The following CDH13 variants were observed in gnomAD, a reference collection of about 807,000 sequenced individuals.
CDH13 encodes cadherin-13.
Under a neutral mutation model 63.8 loss-of-function variants are expected in CDH13, and 24 were observed. The ratio of observed to expected loss-of-function variants is 0.38; its 90% CI spans 0.27 to 0.53. The LOEUF is 0.53. CDH13 is among the 20% of genes least tolerant of loss of function. CDH13 has a pLI of 0.85. For missense variants in CDH13, 1,049 were observed against 903.1 expected, an observed-to-expected ratio of 1.16 and a Z score of -2.07; for synonymous variants, 503 against 355.3, an observed-to-expected ratio of 1.42 and a Z score of -4.67.
At chr16:83,521,356 A>G (rs973204590) in intron 7 of CDH13, among the ~76,000 whole-genome samples, 7 of 152,152 alleles carry the variant, frequency 4.6e-5, no homozygotes, top group African/African-American at 1.7e-4. Flanking sequence ...AAAAAAAAAA[A>G]GAATGGAAAA....
intron 4 of CDH13, among the ~76,000 whole-genome samples, chr16:83,133,387 A>G (rs2036143211): frequency 6.6e-6 from 1 of 152,062 alleles, no homozygotes; most frequent in Non-Finnish European, 1.5e-5. Context: ...ATTTCTTTTC[A>G]CTTTTTTTTT....
At chr16:83,543,474 C>T (rs1174002865) in intron 7 of CDH13, among the ~76,000 whole-genome samples, 1 of 152,192 alleles carries the variant, frequency 6.6e-6, no homozygotes, top group Non-Finnish European at 1.5e-5. Flanking sequence ...CTTGCCTTGC[C>T]TTGATTCCCC....
At chr16:83,256,806 C>G (rs1187217664) in intron 5 of CDH13, among the ~76,000 whole-genome samples, 2 of 146,022 alleles carry the variant, frequency 1.4e-5, no homozygotes, top group Non-Finnish European at 3.0e-5. Context: ...GATCGCGCCA[C>G]TGCACTCCAG....
intron 6 of CDH13, among the ~76,000 whole-genome samples, chr16:83,481,413 C>G: frequency 6.6e-6 from 1 of 152,150 alleles, no homozygotes; most frequent in East Asian, 1.9e-4. Context: ...GCTGAAAACC[C>G]CCCGTCACTC....
chr16:82,707,841 C>G (rs1436694124), intron 1 of CDH13, among the ~76,000 whole-genome samples: 2 of 152,166 alleles, frequency 1.3e-5, no homozygotes, highest in Non-Finnish European at 1.5e-5. Flanking sequence ...AGAAGAGGAA[C>G]ACAGTAAAAT....
At chr16:83,757,249 T>G (rs1045625578) in intron 11 of CDH13, among the ~76,000 whole-genome samples, 1 of 151,936 alleles carries the variant, frequency 6.6e-6, no homozygotes, top group African/African-American at 2.4e-5. Flanking sequence ...CAGAGGAAAA[T>G]TCTAGAAAAT....
At chr16:83,098,066 G>C (rs951406785) in intron 3 of CDH13, among the ~76,000 whole-genome samples, 1 of 152,178 alleles carries the variant, frequency 6.6e-6, no homozygotes, top group Non-Finnish European at 1.5e-5. Context: ...GGATGGTCCA[G>C]ATAAGAGAGA....
chr16:83,449,143 C>T (rs1350896124), intron 6 of CDH13, among the ~76,000 whole-genome samples: 1 of 152,100 alleles, frequency 6.6e-6, no homozygotes, highest in Non-Finnish European at 1.5e-5. Flanking sequence ...TTCCTCTGGA[C>T]AAAATAAATC....
At chr16:83,294,838 T>C (rs2089551748) in intron 5 of CDH13, among the ~76,000 whole-genome samples, 1 of 152,054 alleles carries the variant, frequency 6.6e-6, no homozygotes, top group Admixed American at 6.6e-5. Flanking sequence ...ATAATCTATA[T>C]TAAAATATCA....
intron 1 of CDH13, among the ~76,000 whole-genome samples, chr16:82,720,811 G>A (rs2032724197): frequency 6.6e-6 from 1 of 152,174 alleles, no homozygotes; most frequent in South Asian, 2.1e-4. Flanking sequence ...CAGTGAGTTG[G>A]CATTGCTACA....
At chr16:83,394,916 G>T (rs892422185) in intron 6 of CDH13, among the ~76,000 whole-genome samples, 1 of 152,166 alleles carries the variant, frequency 6.6e-6, no homozygotes, top group African/African-American at 2.4e-5. Flanking sequence ...GGGAGGCCAA[G>T]ACAGGCGGAT....
At chr16:82,996,462 T>G (rs1912215017) in intron 2 of CDH13, among the ~76,000 whole-genome samples, 1 of 152,146 alleles carries the variant, frequency 6.6e-6, no homozygotes, top group African/African-American at 2.4e-5. Context: ...GCTTTATCTC[T>G]CTGCCGGGCT....
chr16:82,672,712 G>A (rs1357167676), intron 1 of CDH13, among the ~76,000 whole-genome samples: 1 of 151,500 alleles, frequency 6.6e-6, no homozygotes, highest in Non-Finnish European at 1.5e-5. Flanking sequence ...AATTCCTTGT[G>A]ACTTTCTTGG....
At position 83,799,918 on chromosome 16, in the gene CDH13, G is replaced by A. The variant is rs1438139954; in HGVS notation, c.*4888G>A. 6.6e-6 allele frequency: 1 copy of A among 151,788 alleles called. No homozygotes were observed. The highest frequency in any genetic ancestry group is 1.5e-5 in the Non-Finnish European group (1 of 67,954). 9.4% of individuals were successfully genotyped at this position (151,788 alleles called of 1,614,324 possible). A position where few individuals can be genotyped will look rare whatever the true frequency, so the allele number is the denominator to read the frequency against. On this transcript the variant is annotated 3_prime_UTR_variant, in exon 14 of 14. Transcript: ENST00000567109. ...ATGGTGGGAATGGGTGTGTGTATGA[G>A]GGTTTCAGATAAGAACTTCAATTAT...
chr16:83,761,474 G>GC (rs1399939290), intron 11 of CDH13, among the ~76,000 whole-genome samples: 1 of 152,200 alleles, frequency 6.6e-6, no homozygotes, highest in African/African-American at 2.4e-5. Flanking sequence ...TCCAGCGCAG[G>GC]CATGTAGTGG....
At chr16:82,854,341 C>T (rs1294639048) in intron 1 of CDH13, among the ~76,000 whole-genome samples, 1 of 140,288 alleles carries the variant, frequency 7.1e-6, no homozygotes, top group Non-Finnish European at 1.5e-5. Context: ...GCGGGGCTTG[C>T]AGTGAGCCAA....
chr16:83,749,811 A>G (rs1912928239), intron 11 of CDH13, among the ~76,000 whole-genome samples: 1 of 152,172 alleles, frequency 6.6e-6, no homozygotes, highest in African/African-American at 2.4e-5. Flanking sequence ...GATGGAGCTA[A>G]GCCCAGAGAA....
intron 3 of CDH13, among the ~76,000 whole-genome samples, chr16:83,094,667 A>G (rs972810651): frequency 6.6e-6 from 1 of 152,228 alleles, no homozygotes; most frequent in African/African-American, 2.4e-5. Flanking sequence ...AGTTCCAAAT[A>G]AAGGGATCTG....
intron 10 of CDH13, among the ~76,000 whole-genome samples, chr16:83,743,564 C>T (rs1342116306): frequency 6.6e-6 from 1 of 152,056 alleles, no homozygotes; most frequent in Admixed American, 6.6e-5. Flanking sequence ...TGCTTGTACG[C>T]CAAACATGAA....
Sources: allele counts gnomAD v4.1 joint callset (sites outside exome capture counted in the v4.1 genomes callset), GRCh38; gene constraint gnomAD v4.1.1; transcripts MANE v1.5; gene names NCBI Gene and HGNC (gene_info 2026-07-23, HGNC 2026-07-21).